The following ST3GAL3 variants were observed in gnomAD, a reference collection of about 807,000 sequenced individuals.
The protein encoded by ST3GAL3 is ST3 beta-galactoside alpha-2,3-sialyltransferase 3, also known as CMP-N-acetylneuraminate-beta-1,4-galactoside alpha-2,3-sialyltransferase.
A neutral mutation model predicts 50.1 loss-of-function variants in ST3GAL3; 21 were observed. That is an observed-to-expected ratio of 0.42 (90% CI 0.30 to 0.60). The LOEUF (loss-of-function observed/expected upper bound fraction) is 0.60, where lower values mean the gene tolerates loss of function less well. Ranked by LOEUF, ST3GAL3 falls within the 20% of genes least tolerant of loss-of-function variation. The pLI, the probability that ST3GAL3 is intolerant of heterozygous loss-of-function variation, is 0.19. For missense variants in ST3GAL3, 353 were observed against 489.4 expected (o/e 0.72, Z 2.63); for synonymous variants, 183 against 190.0 (o/e 0.96, Z 0.30).
At chr1:43,861,681 C>T (rs773479839) in intron 5 of ST3GAL3, among the ~76,000 whole-genome samples, 2 of 152,236 alleles carry the variant, frequency 1.3e-5, no homozygotes, top group Non-Finnish European at 2.9e-5. Flanking sequence ...TGCCTTTGTG[C>T]TGTGCCTGCT....
At chr1:43,787,369 C>T (rs554101732) in intron 2 of ST3GAL3, among the ~76,000 whole-genome samples, 6 of 152,338 alleles carry the variant, frequency 3.9e-5, no homozygotes, top group East Asian at 3.9e-4. Context: ...TAAGTTTTCC[C>T]GTTAGCTGTC....
At chr1:43,812,091 C>T (rs2060625580) in intron 3 of ST3GAL3, among the ~76,000 whole-genome samples, 1 of 152,158 alleles carries the variant, frequency 6.6e-6, no homozygotes, top group Non-Finnish European at 1.5e-5. Context: ...CAAATAATCC[C>T]GATAACAGTC....
chr1:43,870,474 A>C (rs544402364), intron 5 of ST3GAL3, among the ~76,000 whole-genome samples: 23 of 152,314 alleles, frequency 1.5e-4, no homozygotes, highest in Admixed American at 6.5e-4. Flanking sequence ...GCTTCCCAGA[A>C]GGGGCTGGAG....
chr1:43,877,470 G>C (rs1014898939), intron 5 of ST3GAL3, among the ~76,000 whole-genome samples: 2 of 152,106 alleles, frequency 1.3e-5, no homozygotes, highest in Admixed American at 1.3e-4. Context: ...CCCTTAGTCT[G>C]TGACTTGGAT....
At position 43,836,653 on chromosome 1, in the gene ST3GAL3, C is replaced by A. The variant is rs151021207; in HGVS notation, c.210-1566C>A. On this transcript the variant is annotated intron_variant, in intron 4 of 11. Coordinates refer to ENST00000347631, the MANE Select transcript of ST3GAL3 (RefSeq NM_006279.5). ...GGCACCAGAGTTTTGGCAGCAGGCC[C>A]AAGGGTGGGGGTGGAGGAGGTGGGG... Among the ~76,000 whole-genome samples the A allele has an allele frequency of 4.6e-5, 7 of 152,344 alleles. No homozygotes were observed. The East Asian group carries it at 1.2e-3, about 25-fold the overall frequency.
intron 2 of ST3GAL3, among the ~76,000 whole-genome samples, chr1:43,765,784 T>TGTGTGTGC (rs757167336): frequency 6.0e-4 from 82 of 136,934 alleles, no homozygotes; most frequent in Non-Finnish European, 9.4e-4. Context: ...TGTGTGTGTG[T>TGTGTGTGC]GCGCGCGCGC....
chr1:43,820,161 A>G lies in ST3GAL3; in HGVS notation c.209+5228A>G, dbSNP rs546318368. ...AACCCAGAAATAAAGCCACACAGCT[A>G]CAACCATCTGATCTTCAACAAAGCC... On this transcript the variant is annotated intron_variant, in intron 4 of 11. Transcript: ENST00000347631. Among the ~76,000 whole-genome samples the G allele has an allele frequency of 7.2e-5, 11 of 152,320 alleles. No homozygotes were observed. In the East Asian group the frequency reaches 2.1e-3, roughly 29 times the overall value.
At position 43,838,715 on chromosome 1, in the gene ST3GAL3, CAAAGAG is replaced by C. The variant is rs1421788827; in HGVS notation, c.302+408_302+413del. The C allele has an allele frequency of 1.1e-5, 3 of 277,722 alleles. No individual in the cohort carries two copies. The Admixed American group carries it at 1.3e-4, about 12-fold the overall frequency. The allele number at this position is 277,722 out of a possible 1,614,324, so 17.2% of individuals were successfully genotyped here. A position where few individuals can be genotyped will look rare whatever the true frequency, so the allele number is the denominator to read the frequency against. On this transcript the variant is annotated intron_variant, in intron 5 of 11. Coordinates refer to ENST00000347631, the MANE Select transcript of ST3GAL3 (RefSeq NM_006279.5). ...AGGCATATCCAAATAAAGCAGGGAA[CAAAGAG>C]AAATTTCTGAGGCTGTCTTGAGTTT...
At chr1:43,895,047 A>G (rs1372661939) in intron 6 of ST3GAL3, among the ~76,000 whole-genome samples, 1 of 152,230 alleles carries the variant, frequency 6.6e-6, no homozygotes, top group Non-Finnish European at 1.5e-5. Context: ...CAGATATTCA[A>G]GAGTGCAGAG....
rs149154673 is a variant in ST3GAL3, at chr1:43,717,660, G to A, written c.-31+9967G>A. Among the ~76,000 whole-genome samples, 30 of 151,696 alleles carry A rather than the reference G, an allele frequency of 2.0e-4. 1 individual carries two copies. Among genetic ancestry groups the A allele is most frequent in the African/African-American group, 6.8e-4 (28 of 41,388 alleles). ...TTACAGGTGCACACCACCATGCCCCGGTAATTTTTTTTTCTTTTGTATTTT... is the reference window on the plus strand; with the variant it reads ...TTACAGGTGCACACCACCATGCCCCAGTAATTTTTTTTTCTTTTGTATTTT... On this transcript the variant is annotated intron_variant, in intron 1 of 11. Coordinates refer to ENST00000347631, the MANE Select transcript of ST3GAL3 (RefSeq NM_006279.5).
intron 4 of ST3GAL3, among the ~76,000 whole-genome samples, chr1:43,816,467 A>G (rs927097528): frequency 2.0e-5 from 3 of 152,216 alleles, no homozygotes; most frequent in Admixed American, 1.3e-4. Context: ...GTAGAAAGCC[A>G]TAGGCTTCAC....
chr1:43,884,195 C>T (rs973059858), intron 5 of ST3GAL3, among the ~76,000 whole-genome samples: 7 of 152,262 alleles, frequency 4.6e-5, no homozygotes, highest in Admixed American at 2.6e-4. Context: ...ATGTAAGATA[C>T]GGAAGCAAGA....
At chr1:43,768,650 G>A (rs996691071) in intron 2 of ST3GAL3, among the ~76,000 whole-genome samples, 1 of 152,114 alleles carries the variant, frequency 6.6e-6, no homozygotes, top group Admixed American at 6.5e-5. Flanking sequence ...TGAGAATTTT[G>A]TGAAAATAGA....
At chr1:43,781,386 G>C (rs1201534478) in intron 2 of ST3GAL3, among the ~76,000 whole-genome samples, 2 of 152,106 alleles carry the variant, frequency 1.3e-5, no homozygotes, top group African/African-American at 4.8e-5. Flanking sequence ...GGAGGCAGCG[G>C]ATCATTTGAG....
At chr1:43,730,537 TTTCTTTTCTTTTTTTCTTTCTTTTC>T (rs1558042944) in intron 1 of ST3GAL3, among the ~76,000 whole-genome samples, 2 of 86,728 alleles carry the variant, frequency 2.3e-5, no homozygotes, top group African/African-American at 7.0e-5. Flanking sequence ...CTGATTTCTT[TTTCTTTTCTTTTTTTCTTTCTTTTC>T]TTTTCTTTCT....
intron 2 of ST3GAL3, among the ~76,000 whole-genome samples, chr1:43,764,651 C>T (rs961790358): frequency 1.3e-5 from 2 of 152,232 alleles, no homozygotes; most frequent in Non-Finnish European, 2.9e-5. Context: ...CAGCCCACCC[C>T]ATGGGGACTA....
chr1:43,833,950 C>T (rs2063901171), intron 4 of ST3GAL3, among the ~76,000 whole-genome samples: 1 of 152,210 alleles, frequency 6.6e-6, no homozygotes, highest in Admixed American at 6.5e-5. Flanking sequence ...CGCCTTCTCA[C>T]AGGCATTCTC....
At chr1:43,758,542 GC>G (rs1289212547) in intron 2 of ST3GAL3, among the ~76,000 whole-genome samples, 1 of 152,010 alleles carries the variant, frequency 6.6e-6, no homozygotes, top group Non-Finnish European at 1.5e-5. Flanking sequence ...ATCAGCCACC[GC>G]ACCTAATCTT....
chr1:43,750,189 G>C (rs1685489809), intron 2 of ST3GAL3, among the ~76,000 whole-genome samples: 1 of 152,138 alleles, frequency 6.6e-6, no homozygotes, highest in South Asian at 2.1e-4. Flanking sequence ...TTAAAGATTA[G>C]CATGCTTCAA....
Sources: allele counts gnomAD v4.1 joint callset (sites outside exome capture counted in the v4.1 genomes callset), GRCh38; gene constraint gnomAD v4.1.1; transcripts MANE v1.5; gene names NCBI Gene and HGNC (gene_info 2026-07-23, HGNC 2026-07-21).